The following SV2B variants were observed in gnomAD, a reference collection of about 807,000 sequenced individuals.
The protein encoded by SV2B is solute carrier family 22 member B2.
In SV2B, 41 loss-of-function variants were observed where a neutral mutation model predicts 73.9. The ratio of observed to expected loss-of-function variants is 0.56; its 90% CI spans 0.43 to 0.72. The LOEUF (loss-of-function observed/expected upper bound fraction) is 0.72. Ranked by LOEUF, SV2B falls within the 30% of genes least tolerant of loss-of-function variation. The pLI is 0.00. For missense variants in SV2B, 764 were observed against 857.8 expected (o/e 0.89, Z 1.37); for synonymous variants, 314 against 314.2 (o/e 1.00, Z 0.01).
At chr15:91,149,764 A>T (rs1356298302) in intron 1 of SV2B, among the ~76,000 whole-genome samples, 1 of 152,224 alleles carries the variant, frequency 6.6e-6, no homozygotes, top group East Asian at 1.9e-4. Flanking sequence ...AGCTTCAAAC[A>T]TCAGCATAGA....
At position 91,123,884 on chromosome 15, in the gene SV2B, A is replaced by T. The variant is rs2042405090; in HGVS notation, c.-392+23521A>T. 6.6e-6 allele frequency among the ~76,000 whole-genome samples: 1 copy of T among 152,186 alleles called. No individual in the cohort carries two copies. The highest frequency in any genetic ancestry group is 2.1e-4 in the South Asian group (1 of 4,828). ...GGAGATGACCCTGGGCTCTAAGCAC[A>T]CTTGGTCTGTGTCCCAGGCATATCT... On this transcript the variant is annotated intron_variant, in intron 1 of 12. Transcript: ENST00000394232. The surrounding 1 kb of genome is among the most constrained non-coding windows in gnomAD (Gnocchi z 4.7).
rs1355378216 is a variant in SV2B at position 91,281,077 on chromosome 15, C to G, written c.1374-651C>G. Among the ~76,000 whole-genome samples the G allele has an allele frequency of 6.6e-6, 1 of 152,132 alleles. No individual in the cohort carries two copies. The highest frequency in any genetic ancestry group is 2.4e-5 in the African/African-American group (1 of 41,410). On this transcript the variant is annotated intron_variant, in intron 9 of 12. Coordinates refer to ENST00000394232, the MANE Select transcript of SV2B (RefSeq NM_001323032.3). The surrounding 1 kb of genome is among the most constrained non-coding windows in gnomAD (Gnocchi z 4.7). Reference sequence around the variant, plus strand: ...ATTACATATGTATGTATGTAGTAATCCATTGTTGTTACAAGCAGTGTTACA... The same window carrying G: ...ATTACATATGTATGTATGTAGTAATGCATTGTTGTTACAAGCAGTGTTACA...
At chr15:91,285,124 T>C (rs999408685) in intron 11 of SV2B, among the ~76,000 whole-genome samples, 1 of 152,198 alleles carries the variant, frequency 6.6e-6, no homozygotes, top group Non-Finnish European at 1.5e-5. Flanking sequence ...AGTCATTTTG[T>C]TGGAGAAGAG....
At chr15:91,111,376 C>A (rs967673165) in intron 1 of SV2B, among the ~76,000 whole-genome samples, 1 of 152,158 alleles carries the variant, frequency 6.6e-6, no homozygotes, top group Non-Finnish European at 1.5e-5. Context: ...GCAAAGAGCC[C>A]CAGAGCCTGT....
rs2042687953 is a variant in SV2B, at chr15:91,132,550, A to G, written c.-392+32187A>G. Among the ~76,000 whole-genome samples the G allele has an allele frequency of 6.6e-6, 1 of 152,232 alleles. No homozygotes were observed. The highest frequency in any genetic ancestry group is 2.4e-5 in the African/African-American group (1 of 41,458). ...ATTTATTGCAGACAGCCAATTTTCC[A>G]TCTGCTCTGCAGAAAAGGTCAAAGG... On this transcript the variant is annotated intron_variant, in intron 1 of 12. Transcript: ENST00000394232. This position sits in a 1 kb window ranked among gnomAD's most constrained non-coding sequence, Gnocchi z 4.6.
In SV2B at chr15:91,100,597, A is replaced by G. The variant is rs2041696285; in HGVS notation, c.-392+234A>G. 6.6e-6 allele frequency among the ~76,000 whole-genome samples: 1 copy of G among 152,232 alleles called. No individual in the cohort carries two copies. The highest frequency in any genetic ancestry group is 2.4e-5 in the African/African-American group (1 of 41,462). ...CGCTTCTTTGAAAGCGGCCTCCCCA[A>G]GGGCTGTTTTAAAACCCTGTTTGAA... On this transcript the variant is annotated intron_variant, in intron 1 of 12. Transcript: ENST00000394232. The surrounding 1 kb of genome is among the most constrained non-coding windows in gnomAD (Gnocchi z 6.4).
At chr15:91,237,737 G>A (rs1277447694) in intron 2 of SV2B, among the ~76,000 whole-genome samples, 1 of 151,458 alleles carries the variant, frequency 6.6e-6, no homozygotes, top group Non-Finnish European at 1.5e-5. Context: ...TTTGCTTATC[G>A]AGCTGTATTA....
In SV2B at chr15:91,259,212, T is replaced by G. The variant is rs551813602; in HGVS notation, c.918+658T>G. On this transcript the variant is annotated intron_variant, in intron 5 of 12. Coordinates refer to ENST00000394232, the MANE Select transcript of SV2B (RefSeq NM_001323032.3). ...ACAGCTCGTTGCTGCTCCTAAGCACTTCAGGTCTTTTAGCTACACAGGGTC... is the reference window on the plus strand; with the variant it reads ...ACAGCTCGTTGCTGCTCCTAAGCACGTCAGGTCTTTTAGCTACACAGGGTC... Among the ~76,000 whole-genome samples the G allele has an allele frequency of 5.9e-5, 9 of 152,336 alleles. No homozygotes were observed. The East Asian group carries it at 1.7e-3, about 29-fold the overall frequency.
At position 91,226,486 on chromosome 15, in the gene SV2B, C is replaced by T. The variant is rs201612018; in HGVS notation, c.223C>T (p.Arg75Trp). 66 of 1,614,020 alleles carry T rather than the reference C, an allele frequency of 4.1e-5. No homozygotes were observed. The highest frequency in any genetic ancestry group is 9.9e-5 in the South Asian group (9 of 91,088). Residue 75 changes from arginine to tryptophan, a missense_variant, in exon 2 of 13, where the codon CGG (arginine) becomes TGG (tryptophan). Arg to Trp is a moderately radical substitution (Grantham distance 101). Coordinates refer to ENST00000394232, the MANE Select transcript of SV2B (RefSeq NM_001323032.3). The stretch of plus-strand genomic sequence containing the variant: ...GGCGCCCTCCAGAATGGACAGCCTT[C>T]GGGGCCAGACAGACCTGATGGCTGA... ...KMAPSRMDSLRGQTDLMAERL... is the reference protein window; with the variant it reads ...KMAPSRMDSLWGQTDLMAERL...
chr15:91,167,567 A>C (rs1488631535), intron 1 of SV2B, among the ~76,000 whole-genome samples: 2 of 151,728 alleles, frequency 1.3e-5, no homozygotes, highest in Non-Finnish European at 2.9e-5. Flanking sequence ...TTGTCTTCAC[A>C]CCTCTTTTTT....
At chr15:91,143,445 C>A (rs995004349) in intron 1 of SV2B, among the ~76,000 whole-genome samples, 1 of 152,072 alleles carries the variant, frequency 6.6e-6, no homozygotes, top group African/African-American at 2.4e-5. Context: ...CAGCATTTAC[C>A]CTGAGATAAG....
intron 1 of SV2B, among the ~76,000 whole-genome samples, chr15:91,138,674 T>C (rs1250148005): frequency 1.3e-5 from 2 of 152,208 alleles, no homozygotes; most frequent in African/African-American, 4.8e-5. Context: ...TACATTGTAT[T>C]GGGTATTGTA....
Position 91,140,397 on chromosome 15 carries a change from G to A in SV2B, c.-392+40034G>A, listed in dbSNP as rs1223872046. Among the ~76,000 whole-genome samples, 1 of 152,200 alleles carries A rather than the reference G, an allele frequency of 6.6e-6. No individual in the cohort carries two copies. Among genetic ancestry groups the A allele is most frequent in the Non-Finnish European group, 1.5e-5 (1 of 68,036 alleles). ...GCATTTTCTGTCTCAAAAGTCTAGT[G>A]CTTCTCCCAGAGGAGGAGAACAAAA... On this transcript the variant is annotated intron_variant, in intron 1 of 12. Coordinates refer to ENST00000394232, the MANE Select transcript of SV2B (RefSeq NM_001323032.3). The surrounding 1 kb of genome is among the most constrained non-coding windows in gnomAD (Gnocchi z 4.4).
At position 91,252,140 on chromosome 15, in the gene SV2B, G is replaced by A; in HGVS notation, c.632+141G>A. 8.0e-7 allele frequency: 1 copy of A among 1,252,090 alleles called. No homozygotes were observed. Among genetic ancestry groups the A allele is most frequent in the Non-Finnish European group, 1.1e-6 (1 of 917,230 alleles). 77.6% of individuals were successfully genotyped at this position (1,252,090 alleles called of 1,614,324 possible). ...ACTTTCAGGATACTATATTAAAGTT[G>A]AACCTTAGAAAGAGTTAGGGTTAGG... On this transcript the variant is annotated intron_variant, in intron 3 of 12. Transcript: ENST00000394232. This position sits in a 1 kb window ranked among gnomAD's most constrained non-coding sequence, Gnocchi z 4.6.
In SV2B at chr15:91,122,559, C is replaced by T. The variant is rs189486170; in HGVS notation, c.-392+22196C>T. 5.6e-4 allele frequency among the ~76,000 whole-genome samples: 85 copies of T among 152,342 alleles called. 1 individual carries two copies. Among genetic ancestry groups the T allele is most frequent in the Admixed American group, 4.3e-3 (66 of 15,306 alleles). The stretch of plus-strand genomic sequence containing the variant: ...AGACTCCCCCATCCTGGTTTCCTCT[C>T]CATCCTTTTTGCTGCTTCTAGTGAC... On this transcript the variant is annotated intron_variant, in intron 1 of 12. Transcript: ENST00000394232. The surrounding 1 kb of genome is among the most constrained non-coding windows in gnomAD (Gnocchi z 4.3).
At chr15:91,163,589 T>C (rs1411150976) in intron 1 of SV2B, among the ~76,000 whole-genome samples, 2 of 152,350 alleles carry the variant, frequency 1.3e-5, no homozygotes, top group African/African-American at 4.8e-5. Context: ...TTCATATCCT[T>C]CGCCCACTTT....
At chr15:91,138,938 A>G (rs2042923158) in intron 1 of SV2B, among the ~76,000 whole-genome samples, 1 of 152,222 alleles carries the variant, frequency 6.6e-6, no homozygotes, top group African/African-American at 2.4e-5. Context: ...ATATCAACCA[A>G]TTATTAATAC....
chr15:91,189,089 G>A (rs8029994), intron 1 of SV2B, among the ~76,000 whole-genome samples: 48,117 of 152,008 alleles, frequency 0.32, 8,371 homozygotes, highest in East Asian at 0.71. Flanking sequence ...GCCTCTCAAA[G>A]TGCTGGGATT....
At chr15:91,260,186 T>C (rs533536631) in intron 5 of SV2B, 134 bp from the exon 6 acceptor site, 2 of 689,696 alleles carry the variant, frequency 2.9e-6, no homozygotes, top group South Asian at 3.9e-5. Flanking sequence ...AATGAGTCCA[T>C]GTGCAATTGC....
Sources: gnomAD v4.1 joint callset for allele counts (sites outside exome capture counted in the v4.1 genomes callset) on GRCh38, gnomAD v4.1.1 for gene constraint, Gnocchi (gnomAD v3.1) non-coding constraint, MANE v1.5 for transcripts, NCBI Gene and HGNC (gene_info 2026-07-23, HGNC 2026-07-21) for gene names.